Variants in LMOD1 observed in about 807,000 individuals in gnomAD.
The protein encoded by LMOD1 is leiomodin 1.
A neutral mutation model predicts 36.5 loss-of-function variants in LMOD1; 8 were observed. The observed-to-expected ratio is 0.22, with a 90% confidence interval of 0.13 to 0.40. The LOEUF (loss-of-function observed/expected upper bound fraction) is 0.40, where lower values mean the gene tolerates loss of function less well. LMOD1 is among the 10% of genes least tolerant of loss of function. LMOD1 has a pLI of 1.00. For synonymous variants in LMOD1, 284 were observed against 288.7 expected (o/e 0.98, Z 0.17); for missense variants, 630 against 751.1 (o/e 0.84, Z 1.88).
In LMOD1 at chr1:201,898,541, A is replaced by G. The variant is rs918362113; in HGVS notation, c.1777-143T>C. 7.6e-6 allele frequency: 5 copies of G among 659,348 alleles called. No homozygotes were observed. In the East Asian group the frequency reaches 1.6e-4, roughly 21 times the overall value. 40.8% of individuals were successfully genotyped at this position (659,348 alleles called of 1,614,324 possible). A position where few individuals can be genotyped will look rare whatever the true frequency, so the allele number is the denominator to read the frequency against. ...TGTTGACACTGAGGGAGCATTTTTC[A>G]TTGTCTGTAAAAATTGGATGTCATT... On this transcript the variant is annotated intron_variant, in intron 2 of 2. Transcript: ENST00000367288.
chr1:201,922,986 G>A (rs780512301), intron 1 of LMOD1, among the ~76,000 whole-genome samples: 18 of 151,952 alleles, frequency 1.2e-4, no homozygotes, highest in Non-Finnish European at 2.1e-4. Context: ...CACCATGCCC[G>A]GCTAACGTTT....
chr1:201,917,982 G>A (rs968535933), intron 1 of LMOD1, among the ~76,000 whole-genome samples: 1 of 152,238 alleles, frequency 6.6e-6, no homozygotes, highest in East Asian at 1.9e-4. Flanking sequence ...CCCATGCTCA[G>A]AGGGCCCTAC....
At chr1:201,919,279 A>G (rs1462027088) in intron 1 of LMOD1, among the ~76,000 whole-genome samples, 1 of 151,078 alleles carries the variant, frequency 6.6e-6, no homozygotes, top group Non-Finnish European at 1.5e-5. Flanking sequence ...AGTGGTACTC[A>G]CTGCAACCTC....
intron 1 of LMOD1, among the ~76,000 whole-genome samples, chr1:201,938,630 A>G (rs912022475): frequency 1.1e-4 from 16 of 151,914 alleles, no homozygotes; most frequent in African/African-American, 3.9e-4. Context: ...AGCACCTTTC[A>G]CCTGCCAGTC....
chr1:201,926,859 A>G (rs1314397274), intron 1 of LMOD1, among the ~76,000 whole-genome samples: 1 of 152,148 alleles, frequency 6.6e-6, no homozygotes, highest in East Asian at 1.9e-4. Flanking sequence ...TCTACAAAAA[A>G]TACAAAAAAA....
intron 1 of LMOD1, among the ~76,000 whole-genome samples, chr1:201,918,019 G>A (rs1190064791): frequency 1.3e-5 from 2 of 152,190 alleles, no homozygotes; most frequent in African/African-American, 2.4e-5. Context: ...TGCTGTCATC[G>A]TCTTGAAAGT....
chr1:201,933,328 C>T (rs562001830), intron 1 of LMOD1, among the ~76,000 whole-genome samples: 1 of 151,196 alleles, frequency 6.6e-6, no homozygotes, highest in Non-Finnish European at 1.5e-5. Flanking sequence ...GCAGGAGAAT[C>T]GCGTGAACCC....
intron 1 of LMOD1, among the ~76,000 whole-genome samples, chr1:201,910,219 G>A (rs1262573279): frequency 6.6e-6 from 1 of 151,756 alleles, no homozygotes; most frequent in African/African-American, 2.4e-5. Context: ...GCCTTCACAT[G>A]TGCCCACCTT....
chr1:201,918,200 A>T (rs968470828), intron 1 of LMOD1, among the ~76,000 whole-genome samples: 1 of 152,028 alleles, frequency 6.6e-6, no homozygotes, highest in Non-Finnish European at 1.5e-5. Flanking sequence ...ATCAGCCTTG[A>T]CGCTTCCTTT....
In LMOD1 at chr1:201,899,661, C is replaced by A; in HGVS notation, c.1352G>T (p.Gly451Val). 6.2e-7 allele frequency: 1 copy of A among 1,613,816 alleles called. No homozygotes were observed. The highest frequency in any genetic ancestry group is 8.5e-7 in the Non-Finnish European group (1 of 1,179,832). ...GGGCCCGGCCAGCTCAAAATGGTAG[C>A]CCAGCTTGAGCAGGGTAGTATTCTC... Reference protein sequence around the residue: ...LKENTTLLKLGYHFELAGPRM... With the variant: ...LKENTTLLKLVYHFELAGPRM... Residue 451 changes from glycine (G) to valine (V), a missense_variant, in exon 2 of 3, where the codon GGC becomes GTC. Physicochemically the swap from Gly to Val is moderately radical, Grantham distance 109. Transcript: ENST00000367288. This position sits in a 1 kb window ranked among gnomAD's most constrained non-coding sequence, Gnocchi z 6.3.
Position 201,910,844 on chromosome 1 carries a change from T to C in LMOD1, c.262-10093A>G, listed in dbSNP as rs1460420436. Among the ~76,000 whole-genome samples, 4 of 135,382 alleles carry C rather than the reference T, an allele frequency of 3.0e-5. No individual in the cohort carries two copies. In the Admixed American group the frequency reaches 3.3e-4, roughly 11 times the overall value. 88.8% of individuals were successfully genotyped at this position (135,382 alleles called of 152,430 possible). On this transcript the variant is annotated intron_variant, in intron 1 of 2. Transcript: ENST00000367288. ...ATCTCAGCTCACTGTAACCTCTGCC[T>C]CCTGGGTTCAAGCGATTCTCCTGCC...
At chr1:201,914,341 C>G (rs1222315840) in intron 1 of LMOD1, among the ~76,000 whole-genome samples, 2 of 152,170 alleles carry the variant, frequency 1.3e-5, no homozygotes, top group African/African-American at 2.4e-5. Context: ...AGTCAGAAGG[C>G]CAGGGTTCCA....
At chr1:201,924,691 A>AAGAAAGAG (rs1558240497) in intron 1 of LMOD1, among the ~76,000 whole-genome samples, 1 of 118,930 alleles carries the variant, frequency 8.4e-6, no homozygotes, top group African/African-American at 3.0e-5. Flanking sequence ...GAAAGAAAGA[A>AAGAAAGAG]AGAAAGAAAG....
chr1:201,907,593 G>A (rs1416412047), intron 1 of LMOD1, among the ~76,000 whole-genome samples: 1 of 152,206 alleles, frequency 6.6e-6, no homozygotes, highest in Non-Finnish European at 1.5e-5. Flanking sequence ...TGCCTGGAGG[G>A]CTACAAGCTG....
chr1:201,935,713 C>T lies in LMOD1; in HGVS notation c.261+10367G>A, dbSNP rs540763134. Among the ~76,000 whole-genome samples the T allele has an allele frequency of 2.6e-5, 4 of 151,884 alleles. No individual in the cohort carries two copies. The East Asian group carries it at 5.9e-4, about 22-fold the overall frequency. On this transcript the variant is annotated intron_variant, in intron 1 of 2. Coordinates refer to ENST00000367288, the MANE Select transcript of LMOD1 (RefSeq NM_012134.3). Reference sequence around the variant, plus strand: ...CTGGGATTACAGGTGCCCACCACCACGCCCAGCTAATTTTTGTATTTTTAG... The same window carrying T: ...CTGGGATTACAGGTGCCCACCACCATGCCCAGCTAATTTTTGTATTTTTAG...
At chr1:201,907,768 C>T (rs1681433811) in intron 1 of LMOD1, among the ~76,000 whole-genome samples, 1 of 152,186 alleles carries the variant, frequency 6.6e-6, no homozygotes, top group Non-Finnish European at 1.5e-5. Flanking sequence ...TGCCAGGAGT[C>T]TGTCCTCTCA....
rs867611228 is a variant in LMOD1 at position 201,924,379 on chromosome 1, G to A, written c.261+21701C>T. On this transcript the variant is annotated intron_variant, in intron 1 of 2. Coordinates refer to ENST00000367288, the MANE Select transcript of LMOD1 (RefSeq NM_012134.3). ...AGGGAGGGAGAGAGGGAGGGAGGGAGGGAAGGAAGGAAGGAAGGAAGGAAG... is the reference window on the plus strand; with the variant it reads ...AGGGAGGGAGAGAGGGAGGGAGGGAAGGAAGGAAGGAAGGAAGGAAGGAAG... 2.6e-3 allele frequency among the ~76,000 whole-genome samples: 244 copies of A among 94,410 alleles called. 5 individuals carry two copies. The highest frequency in any genetic ancestry group is 4.6e-3 in the East Asian group (10 of 2,164). The allele number at this position is 94,410 out of a possible 152,430, so 61.9% of individuals were successfully genotyped here.
intron 1 of LMOD1, among the ~76,000 whole-genome samples, chr1:201,916,133 G>T (rs893661309): frequency 2.0e-5 from 3 of 150,840 alleles, no homozygotes; most frequent in African/African-American, 7.3e-5. Context: ...GCCCAGGCTG[G>T]TCTTAAACTT....
At chr1:201,928,284 A>T (rs1346906194) in intron 1 of LMOD1, among the ~76,000 whole-genome samples, 1 of 152,148 alleles carries the variant, frequency 6.6e-6, no homozygotes, top group East Asian at 1.9e-4. Flanking sequence ...CATTTTTTCC[A>T]GCGCTTAATT....
Sources: gnomAD v4.1 joint callset for allele counts (sites outside exome capture counted in the v4.1 genomes callset) on GRCh38, gnomAD v4.1.1 for gene constraint, Gnocchi (gnomAD v3.1) non-coding constraint, MANE v1.5 for transcripts, NCBI Gene and HGNC (gene_info 2026-07-23, HGNC 2026-07-21) for gene names.